GOLPH3L: variants seen among roughly 807,000 people sequenced by gnomAD.
GOLPH3L encodes Golgi phosphoprotein 3-like.
Under a neutral mutation model 30.3 loss-of-function variants are expected in GOLPH3L, and 22 were observed. The ratio of observed to expected loss-of-function variants is 0.73; its 90% confidence interval spans 0.52 to 1.04. The LOEUF is 1.04. Ranked by LOEUF, GOLPH3L falls within the 50% of genes least tolerant of loss-of-function variation. The pLI, the probability that GOLPH3L is intolerant of heterozygous loss-of-function variation, is 0.00. For synonymous variants in GOLPH3L, 120 were observed against 128.2 expected (o/e 0.94, Z 0.43); for missense variants, 303 against 345.8 (o/e 0.88, Z 0.98).
chr1:150,677,895 G>A (rs774395936), intron 2 of GOLPH3L, among the ~76,000 whole-genome samples: 1 of 151,760 alleles, frequency 6.6e-6, no homozygotes, highest in East Asian at 2.0e-4. Context: ...CAAAGTGCTA[G>A]GATTACAGGC....
intron 2 of GOLPH3L, among the ~76,000 whole-genome samples, chr1:150,667,089 C>T (rs1054022330): frequency 3.3e-5 from 5 of 152,078 alleles, no homozygotes; most frequent in African/African-American, 9.7e-5. Flanking sequence ...GCCTAGTTTC[C>T]CCACTTTACC....
chr1:150,652,592 C>T (rs1650148612), intron 4 of GOLPH3L, among the ~76,000 whole-genome samples: 1 of 151,834 alleles, frequency 6.6e-6, no homozygotes, highest in African/African-American at 2.4e-5. Flanking sequence ...TAATTTGAAT[C>T]CACGTGAACA....
intron 4 of GOLPH3L, among the ~76,000 whole-genome samples, chr1:150,651,642 CAAAAA>C (rs59940841): frequency 3.3e-5 from 2 of 60,852 alleles, no homozygotes; most frequent in Non-Finnish European, 5.9e-5. Context: ...GAGCGAAACT[CAAAAA>C]AAAAAAAAAA....
At chr1:150,674,211 G>A (rs1650715564) in intron 2 of GOLPH3L, among the ~76,000 whole-genome samples, 1 of 151,234 alleles carries the variant, frequency 6.6e-6, no homozygotes, top group East Asian at 1.9e-4. Flanking sequence ...TTGTTAATAA[G>A]AGCAAAATAA....
At chr1:150,656,240 C>T (rs1296441147) in intron 4 of GOLPH3L, among the ~76,000 whole-genome samples, 8 of 152,194 alleles carry the variant, frequency 5.3e-5, no homozygotes, top group Admixed American at 5.2e-4. Flanking sequence ...CAGACTACTA[C>T]ACCTTACTCC....
chr1:150,685,874 C>T (rs371500732), intron 2 of GOLPH3L, among the ~76,000 whole-genome samples: 5 of 121,044 alleles, frequency 4.1e-5, no homozygotes, highest in Non-Finnish European at 6.8e-5. Flanking sequence ...GTAAGTATGT[C>T]TTTTTTTTTT....
At chr1:150,649,086 G>T (rs1650046902) in intron 4 of GOLPH3L, among the ~76,000 whole-genome samples, 1 of 152,170 alleles carries the variant, frequency 6.6e-6, no homozygotes, top group South Asian at 2.1e-4. Flanking sequence ...CTATATTGTG[G>T]AAGTTCTATT....
intron 2 of GOLPH3L, among the ~76,000 whole-genome samples, chr1:150,670,912 G>A (rs1271296567): frequency 6.6e-6 from 1 of 152,032 alleles, no homozygotes; most frequent in Non-Finnish European, 1.5e-5. Context: ...CCTTACTGAT[G>A]TGCATTTAGG....
At chr1:150,679,350 T>C (rs1452414341) in intron 2 of GOLPH3L, among the ~76,000 whole-genome samples, 1 of 152,202 alleles carries the variant, frequency 6.6e-6, no homozygotes, top group Non-Finnish European at 1.5e-5. Flanking sequence ...GCAAAAATTC[T>C]AGATTAAAGT....
intron 2 of GOLPH3L, among the ~76,000 whole-genome samples, chr1:150,691,448 G>A (rs912427067): frequency 2.6e-5 from 4 of 152,014 alleles, no homozygotes; most frequent in Non-Finnish European, 4.4e-5. Context: ...CTCGGGAGGC[G>A]CAGGTTGCAG....
intron 2 of GOLPH3L, among the ~76,000 whole-genome samples, chr1:150,664,948 T>C (rs755528493): frequency 6.6e-6 from 1 of 152,238 alleles, no homozygotes; most frequent in Non-Finnish European, 1.5e-5. Flanking sequence ...GCCTGGCATA[T>C]AGCAGGCACT....
intron 2 of GOLPH3L, among the ~76,000 whole-genome samples, chr1:150,685,026 T>C (rs1180935848): frequency 6.6e-6 from 1 of 152,226 alleles, no homozygotes; most frequent in East Asian, 1.9e-4. Flanking sequence ...ATCTTCCTTT[T>C]GCCAGTTGGG....
intron 2 of GOLPH3L, among the ~76,000 whole-genome samples, chr1:150,680,150 G>A (rs891089922): frequency 1.3e-5 from 2 of 152,060 alleles, no homozygotes; most frequent in African/African-American, 4.8e-5. Context: ...AAGCAAAAAT[G>A]GGAATGGAAA....
chr1:150,656,857 A>C (rs763475512), intron 4 of GOLPH3L, among the ~76,000 whole-genome samples: 5 of 152,192 alleles, frequency 3.3e-5, no homozygotes, highest in African/African-American at 7.2e-5. Flanking sequence ...AAACTGTTTC[A>C]ATTTTTGAAA....
intron 2 of GOLPH3L, among the ~76,000 whole-genome samples, chr1:150,681,602 G>A (rs1650949307): frequency 6.6e-6 from 1 of 152,096 alleles, no homozygotes; most frequent in African/African-American, 2.4e-5. Context: ...GGAGGTTGCA[G>A]ACTAACCTTA....
At chr1:150,684,832 T>C (rs587619467) in intron 2 of GOLPH3L, among the ~76,000 whole-genome samples, 74 of 152,252 alleles carry the variant, frequency 4.9e-4, no homozygotes, top group Admixed American at 2.6e-3. Context: ...CACGCCCAGC[T>C]AATTTTTGTA....
chr1:150,650,148 G>T (rs1650072749), intron 4 of GOLPH3L, among the ~76,000 whole-genome samples: 1 of 152,068 alleles, frequency 6.6e-6, no homozygotes, highest in African/African-American at 2.4e-5. Flanking sequence ...CCTGATTTGT[G>T]ATGGCTATGT....
intron 4 of GOLPH3L, among the ~76,000 whole-genome samples, chr1:150,661,583 T>C (rs940587873): frequency 1.3e-5 from 2 of 152,204 alleles, no homozygotes; most frequent in Non-Finnish European, 2.9e-5. Context: ...AAGTTTCTTG[T>C]GAAGAATACT....
rs587708061 is a variant in GOLPH3L, at chr1:150,683,597, G to T, written c.183+11059C>A. 3.4e-5 allele frequency among the ~76,000 whole-genome samples: 5 copies of T among 147,682 alleles called. No homozygotes were observed. The East Asian group carries it at 9.9e-4, about 29-fold the overall frequency. ...GGGAGCCTGTAATCCCAGCTACTCG[G>T]GAGGCTGAGGTACCAGAAGTACTTG... On this transcript the variant is annotated intron_variant, in intron 2 of 4. Coordinates refer to ENST00000271732, the MANE Select transcript of GOLPH3L (RefSeq NM_018178.6).
Sources: allele counts gnomAD v4.1 joint callset (sites outside exome capture counted in the v4.1 genomes callset), GRCh38; gene constraint gnomAD v4.1.1; transcripts MANE v1.5; gene names NCBI Gene and HGNC (gene_info 2026-07-23, HGNC 2026-07-21).